COL4A6: variants seen among roughly 807,000 people sequenced by gnomAD.
The protein encoded by COL4A6 is collagen type IV alpha 6 chain.
COL4A6 carries 59 observed loss-of-function variants against 126.7 expected under a neutral mutation model. That is an observed-to-expected ratio of 0.47 (90% CI 0.38 to 0.58). COL4A6 has a LOEUF of 0.58. COL4A6 is among the 20% of genes least tolerant of loss of function. The pLI is 0.00. For missense variants in COL4A6, 1,285 were observed against 1,337.3 expected, an observed-to-expected ratio of 0.96 and a Z score of 0.61; for synonymous variants, 547 against 496.6, an observed-to-expected ratio of 1.10 and a Z score of -1.35.
chrX:108,343,134 A>AATATAT (rs555568295), intron 2 of COL4A6, among the ~76,000 whole-genome samples: 2 of 55,186 alleles, frequency 3.6e-5, no homozygotes, highest in African/African-American at 1.5e-4. Context: ...GATTAATGGG[A>AATATAT]ATATATATAT....
At chrX:108,343,160 TA>T (rs1760595311) in intron 2 of COL4A6, among the ~76,000 whole-genome samples, 1 of 52,445 alleles carries the variant, frequency 1.9e-5, no homozygotes, top group African/African-American at 7.0e-5. Flanking sequence ...TATATATATA[TA>T]TATAGTGTGT....
intron 5 of COL4A6, among the ~76,000 whole-genome samples, chrX:108,217,002 A>G (rs1190578357): frequency 8.9e-6 from 1 of 112,305 alleles, no homozygotes; most frequent in Non-Finnish European, 1.9e-5. Flanking sequence ...AACAGGCCCA[A>G]CTCACAGCTG....
intron 2 of COL4A6, among the ~76,000 whole-genome samples, chrX:108,395,146 C>G (rs1436447802): frequency 9.0e-6 from 1 of 111,414 alleles, no homozygotes; most frequent in Non-Finnish European, 1.9e-5. Flanking sequence ...TTTACTATTG[C>G]TTGTCTTTGT....
At position 108,211,891 on chromosome X, in the gene COL4A6, C is replaced by T. The variant is rs922566526; in HGVS notation, c.442-151G>A. ...ATTGGCTGTACTAAGGGGCAAAACACATTCCTTGACCGGGTGCTCTGATTC... is the reference window on the plus strand; with the variant it reads ...ATTGGCTGTACTAAGGGGCAAAACATATTCCTTGACCGGGTGCTCTGATTC... On this transcript the variant is annotated intron_variant, in intron 6 of 44. Coordinates refer to ENST00000334504, the MANE Select transcript of COL4A6 (RefSeq NM_033641.4). The T allele has an allele frequency of 1.1e-5, 5 of 469,106 alleles. No homozygotes were observed. The Middle Eastern group carries it at 1.9e-3, about 175-fold the overall frequency. The allele number at this position is 469,106 out of a possible 1,213,427, so 38.7% of individuals were successfully genotyped here. A position where few individuals can be genotyped will look rare whatever the true frequency, so the allele number is the denominator to read the frequency against.
At position 108,162,959 on chromosome X, in the gene COL4A6, T is replaced by C; in HGVS notation, c.4149A>G (p.Leu1383=). ...GGCCAGGGATGCCATCGATCCCTGG[T>C]AGACCCAAGGGTCCAGGAGGAACCT... is the stretch of plus-strand genomic sequence containing the variant. ...AVQVPPGPLG[L]PGIDGIPGLT... is the part of the protein sequence containing the mutation. The change falls in exon 41 of 45, where the codon CTA becomes CTG. Residue 1383 remains leucine, a synonymous_variant. Coordinates refer to ENST00000334504, the MANE Select transcript of COL4A6 (RefSeq NM_033641.4). 1 of 1,202,098 alleles carries C rather than the reference T, an allele frequency of 8.3e-7. No individual in the cohort carries two copies. Among genetic ancestry groups the C allele is most frequent in the Non-Finnish European group, 1.1e-6 (1 of 891,103 alleles).
intron 3 of COL4A6, among the ~76,000 whole-genome samples, chrX:108,304,328 C>T (rs900960163): frequency 8.9e-6 from 1 of 111,739 alleles, no homozygotes; most frequent in Admixed American, 9.5e-5. Context: ...CATCTTGATT[C>T]TGTGCAGAGA....
At chrX:108,351,476 G>GTA (rs1377159998) in intron 2 of COL4A6, among the ~76,000 whole-genome samples, 1 of 109,157 alleles carries the variant, frequency 9.2e-6, no homozygotes, top group Non-Finnish European at 1.9e-5. Flanking sequence ...GTGTGTGTGT[G>GTA]TATGTGTGTA....
At chrX:108,408,433 A>G (rs764752973) in intron 2 of COL4A6, among the ~76,000 whole-genome samples, 1 of 111,913 alleles carries the variant, frequency 8.9e-6, no homozygotes, top group Non-Finnish European at 1.9e-5. Context: ...TTCTGTTACT[A>G]TTCTTTTAAG....
Position 108,177,355 on chromosome X carries a change from G to A in COL4A6, c.2516-344C>T, listed in dbSNP as rs1001696847. ...TCTAGGAAGCCAGGGTGGCAAGTAGGCTCCAGTTTCCTGGTACTTCCAGTC... is the reference window on the plus strand; with the variant it reads ...TCTAGGAAGCCAGGGTGGCAAGTAGACTCCAGTTTCCTGGTACTTCCAGTC... On this transcript the variant is annotated intron_variant, in intron 27 of 44. Transcript: ENST00000334504. Among the ~76,000 whole-genome samples the A allele has an allele frequency of 2.7e-5, 3 of 112,189 alleles. No individual in the cohort carries two copies. In the East Asian group the frequency reaches 8.4e-4, roughly 32 times the overall value.
chrX:108,267,612 GACACACATGTACATACAT>G (rs1207675413), intron 3 of COL4A6: 1 of 112,314 alleles, frequency 8.9e-6, no homozygotes, highest in African/African-American at 3.2e-5. Flanking sequence ...AAACAATACA[GACACACATGTACATACAT>G]ACACACATGT....
chrX:108,164,840 G>A, intron 39 of COL4A6, 37 bp downstream of exon 39: 1 of 1,191,673 alleles, frequency 8.4e-7, no homozygotes, highest in Non-Finnish European at 1.1e-6. Context: ...TGGCCGTGGA[G>A]TGGGGAAGGG....
intron 2 of COL4A6, among the ~76,000 whole-genome samples, chrX:108,421,267 A>G (rs976192537): frequency 2.7e-5 from 3 of 112,350 alleles, no homozygotes; most frequent in African/African-American, 9.7e-5. Context: ...TAACAGCTAA[A>G]TTTATTGAGC....
At chrX:108,390,620 G>C (rs2040814657) in intron 2 of COL4A6, among the ~76,000 whole-genome samples, 1 of 109,429 alleles carries the variant, frequency 9.1e-6, no homozygotes, top group Non-Finnish European at 1.9e-5. Flanking sequence ...ATTCTAGTTA[G>C]CAATTTGTCT....
Position 108,406,979 on chromosome X carries a change from T to C in COL4A6, c.63+30963A>G, listed in dbSNP as rs189347567. Among the ~76,000 whole-genome samples the C allele has an allele frequency of 2.0e-4, 22 of 111,879 alleles. No homozygotes were observed. In the East Asian group the frequency reaches 5.6e-3, roughly 29 times the overall value. On this transcript the variant is annotated intron_variant, in intron 2 of 44. Coordinates refer to ENST00000334504, the MANE Select transcript of COL4A6 (RefSeq NM_033641.4). ...GAAAGGAAGAAAGGGAGGCAAGAAG[T>C]TAGAAGTTCTGTAATTCTTTAAGCA...
chrX:108,348,722 T>C (rs1489908945), intron 2 of COL4A6, among the ~76,000 whole-genome samples: 3 of 111,750 alleles, frequency 2.7e-5, no homozygotes, highest in Non-Finnish European at 5.6e-5. Context: ...AAAAGTTCTA[T>C]AAATAAGTCA....
chrX:108,401,915 T>C (rs1444468896), intron 2 of COL4A6, among the ~76,000 whole-genome samples: 1 of 111,619 alleles, frequency 9.0e-6, no homozygotes, highest in Non-Finnish European at 1.9e-5. Flanking sequence ...TTTGAATTTA[T>C]GCATGTCTTA....
chrX:108,343,995 G>GT lies in COL4A6; in HGVS notation c.64-33168dup, dbSNP rs915569493. Among the ~76,000 whole-genome samples, 92 of 108,884 alleles carry GT rather than the reference G, an allele frequency of 8.4e-4. 2 individuals are homozygous for GT. The South Asian group carries it at 0.03, about 35-fold the overall frequency. 94.6% of individuals were successfully genotyped at this position (108,884 alleles called of 115,157 possible). On this transcript the variant is annotated intron_variant, in intron 2 of 44. Transcript: ENST00000334504. ...TGGTAGGGATAAAATAAAATTGCAT[G>GT]TTTTTTTTTCCATGAATGTTCTGTT... is the stretch of plus-strand genomic sequence containing the variant.
At chrX:108,347,852 T>C (rs1217857581) in intron 2 of COL4A6, among the ~76,000 whole-genome samples, 1 of 109,319 alleles carries the variant, frequency 9.1e-6, no homozygotes, top group Non-Finnish European at 1.9e-5. Flanking sequence ...TATGGTGAAC[T>C]GAAGTGAGGC....
At chrX:108,346,508 C>T (rs948103822) in intron 2 of COL4A6, among the ~76,000 whole-genome samples, 1 of 111,974 alleles carries the variant, frequency 8.9e-6, no homozygotes, top group Non-Finnish European at 1.9e-5. Flanking sequence ...TAATGTGCTA[C>T]ACGAAAAATA....
Sources: allele counts gnomAD v4.1 joint callset (sites outside exome capture counted in the v4.1 genomes callset), GRCh38; gene constraint gnomAD v4.1.1; transcripts MANE v1.5; gene names NCBI Gene and HGNC (gene_info 2026-07-23, HGNC 2026-07-21).